The following CPA6 variants were observed in gnomAD, a reference collection of about 807,000 sequenced individuals.
CPA6 encodes the protein carboxypeptidase B.
In CPA6, 58 loss-of-function variants were observed where a neutral mutation model predicts 63.3. That is an observed-to-expected ratio of 0.92 (90% CI 0.74 to 1.14). The LOEUF (loss-of-function observed/expected upper bound fraction) is 1.14. CPA6 is among the 50% of genes most tolerant of loss of function. The probability of loss-of-function intolerance (pLI) is 0.00; values close to 1 mark genes in which losing one functional copy is unlikely to be tolerated. For synonymous variants in CPA6, 185 were observed against 179.0 expected (o/e 1.03, Z -0.27); for missense variants, 565 against 526.6 (o/e 1.07, Z -0.71).
intron 8 of CPA6, among the ~76,000 whole-genome samples, chr8:67,463,914 C>T (rs1024977508): frequency 5.3e-5 from 8 of 152,250 alleles, no homozygotes; most frequent in African/African-American, 1.2e-4. Flanking sequence ...TTTTAAAATC[C>T]AGTTCACTGT....
intron 1 of CPA6, among the ~76,000 whole-genome samples, chr8:67,717,011 T>C (rs1817397093): frequency 6.6e-6 from 1 of 152,142 alleles, no homozygotes; most frequent in African/African-American, 2.4e-5. Context: ...GCAGCCCTTG[T>C]TGAGGGAAGA....
intron 1 of CPA6, among the ~76,000 whole-genome samples, chr8:67,723,646 G>A (rs1204963765): frequency 6.6e-6 from 1 of 152,136 alleles, no homozygotes; most frequent in Non-Finnish European, 1.5e-5. Context: ...TTCCTTGTGA[G>A]TGAAATGTGC....
intron 8 of CPA6, among the ~76,000 whole-genome samples, chr8:67,451,877 T>C (rs1270133328): frequency 1.3e-5 from 2 of 152,238 alleles, no homozygotes; most frequent in African/African-American, 4.8e-5. Context: ...TTTTCCTAAG[T>C]TGTAGGTACT....
intron 2 of CPA6, among the ~76,000 whole-genome samples, chr8:67,528,482 CG>C (rs960233910): frequency 6.6e-6 from 1 of 152,086 alleles, no homozygotes; most frequent in African/African-American, 2.4e-5. Context: ...TGGCTTTCTG[CG>C]GGGGGCCATC....
intron 2 of CPA6, among the ~76,000 whole-genome samples, chr8:67,622,164 A>G (rs1815097867): frequency 6.6e-6 from 1 of 152,250 alleles, no homozygotes; most frequent in African/African-American, 2.4e-5. Context: ...TTTTGCTCCA[A>G]TATTTTGTTC....
rs1379101974 is a variant in CPA6, at chr8:67,607,157, T to C, written c.192+17019A>G. 5.0e-3 allele frequency among the ~76,000 whole-genome samples: 328 copies of C among 65,434 alleles called. 53 individuals carry two copies. Among genetic ancestry groups the C allele is most frequent in the Middle Eastern group, 0.016 (2 of 124 alleles). The allele number at this position is 65,434 out of a possible 152,430, so 42.9% of individuals were successfully genotyped here. On this transcript the variant is annotated intron_variant, in intron 2 of 10. Coordinates refer to ENST00000297770, the MANE Select transcript of CPA6 (RefSeq NM_020361.5). ...CCTCCCCCTCCTCCCCCCCCTCCTC[T>C]TCTTCTTCTTCCTCTTCTTCTTCTT...
At position 67,743,740 on chromosome 8, in the gene CPA6, T is replaced by C. The variant is rs376661549; in HGVS notation, c.116+2274A>G. Among the ~76,000 whole-genome samples, 160 of 152,320 alleles carry C rather than the reference T, an allele frequency of 1.1e-3. 8 individuals carry two copies. The South Asian group carries it at 0.032, about 31-fold the overall frequency. ...TTATGTCTAAAGAGGACTGCCCTCA[T>C]TAGCTACTCTCAGGAGGCATGCTGG... On this transcript the variant is annotated intron_variant, in intron 1 of 10. Coordinates refer to ENST00000297770, the MANE Select transcript of CPA6 (RefSeq NM_020361.5).
intron 1 of CPA6, among the ~76,000 whole-genome samples, chr8:67,715,172 C>T (rs567713586): frequency 2.7e-4 from 41 of 152,310 alleles, no homozygotes; most frequent in African/African-American, 8.9e-4. Flanking sequence ...CAGTCTGATG[C>T]TGACTACCCA....
intron 1 of CPA6, among the ~76,000 whole-genome samples, chr8:67,657,455 T>C (rs1816011852): frequency 6.6e-6 from 1 of 152,216 alleles, no homozygotes; most frequent in Non-Finnish European, 1.5e-5. Context: ...TATCCTTTAC[T>C]TTCTCTAAAA....
At chr8:67,461,339 G>A (rs1810798386) in intron 8 of CPA6, among the ~76,000 whole-genome samples, 1 of 146,756 alleles carries the variant, frequency 6.8e-6, no homozygotes, top group African/African-American at 2.6e-5. Flanking sequence ...TTAACCCTGA[G>A]TGGATACAGC....
At chr8:67,667,172 T>C (rs1362316324) in intron 1 of CPA6, among the ~76,000 whole-genome samples, 3 of 152,206 alleles carry the variant, frequency 2.0e-5, no homozygotes, top group African/African-American at 7.2e-5. Flanking sequence ...GCTGCTTTGA[T>C]GACCTTTGAG....
intron 2 of CPA6, among the ~76,000 whole-genome samples, chr8:67,522,647 G>A (rs191408968): frequency 2.0e-5 from 3 of 152,334 alleles, no homozygotes; most frequent in East Asian, 1.9e-4. Context: ...CACTTCTTGG[G>A]GGCTCAGACC....
intron 2 of CPA6, among the ~76,000 whole-genome samples, chr8:67,564,310 C>T (rs1170501122): frequency 1.3e-5 from 2 of 152,076 alleles, no homozygotes; most frequent in African/African-American, 4.8e-5. Flanking sequence ...GCCTGTGATG[C>T]TCCTAAAGCT....
chr8:67,629,367 G>C (rs2128987755), intron 1 of CPA6, among the ~76,000 whole-genome samples: 1 of 151,384 alleles, frequency 6.6e-6, no homozygotes, highest in African/African-American at 2.4e-5. Context: ...TATAGTCCCA[G>C]CTACCTGGGA....
intron 1 of CPA6, among the ~76,000 whole-genome samples, chr8:67,700,588 G>A (rs754400749): frequency 1.3e-5 from 2 of 152,204 alleles, no homozygotes; most frequent in Non-Finnish European, 2.9e-5. Flanking sequence ...AATGTATAAA[G>A]TTGGAGCAAT....
intron 1 of CPA6, among the ~76,000 whole-genome samples, chr8:67,679,466 G>T (rs1362794072): frequency 1.3e-5 from 2 of 152,074 alleles, no homozygotes; most frequent in Non-Finnish European, 2.9e-5. Context: ...TCTTTTTATT[G>T]ATAATGTAGT....
chr8:67,561,206 T>TA (rs1564001075), intron 2 of CPA6, among the ~76,000 whole-genome samples: 1 of 152,214 alleles, frequency 6.6e-6, no homozygotes, highest in East Asian at 1.9e-4. Context: ...TTACTTTAGT[T>TA]AAAAAAACTG....
At chr8:67,447,497 ATG>A (rs1227006547) in intron 8 of CPA6, among the ~76,000 whole-genome samples, 1 of 137,692 alleles carries the variant, frequency 7.3e-6, no homozygotes, top group Non-Finnish European at 1.5e-5. Context: ...TGAAGGAGAT[ATG>A]TGTGTATACA....
intron 2 of CPA6, among the ~76,000 whole-genome samples, chr8:67,544,470 G>A (rs1052938504): frequency 6.6e-6 from 1 of 152,152 alleles, no homozygotes; most frequent in Non-Finnish European, 1.5e-5. Flanking sequence ...CCTGGCAATC[G>A]TTTTCCTGTT....
Sources: gnomAD v4.1 joint callset for allele counts (sites outside exome capture counted in the v4.1 genomes callset) on GRCh38, gnomAD v4.1.1 for gene constraint, MANE v1.5 for transcripts, NCBI Gene and HGNC (gene_info 2026-07-23, HGNC 2026-07-21) for gene names.